TENM4: variants seen among roughly 807,000 people sequenced by gnomAD.
TENM4 encodes teneurin-4.
Under a neutral mutation model 243.3 loss-of-function variants are expected in TENM4, and 82 were observed. The observed-to-expected ratio is 0.34, with a 90% CI of 0.28 to 0.40. The LOEUF is 0.40. TENM4 is among the 10% of genes least tolerant of loss of function. The probability of loss-of-function intolerance (pLI) is 1.00; values close to 1 mark genes in which losing one functional copy is unlikely to be tolerated. For missense variants in TENM4, 3,138 were observed against 3,673.3 expected (o/e 0.85, Z 3.77); for synonymous variants, 1,412 against 1,456.3 (o/e 0.97, Z 0.69).
chr11:79,177,470 C>G (rs1863186969), intron 3 of TENM4, among the ~76,000 whole-genome samples: 1 of 151,780 alleles, frequency 6.6e-6, no homozygotes, highest in African/African-American at 2.4e-5. Flanking sequence ...CTCTGAGCAC[C>G]CATAGGTATT....
chr11:78,825,816 C>T (rs1005513761), intron 12 of TENM4, among the ~76,000 whole-genome samples: 6 of 152,220 alleles, frequency 3.9e-5, no homozygotes, highest in African/African-American at 1.4e-4. Flanking sequence ...ATAATGCCAA[C>T]TTCATGTCAA....
chr11:79,184,086 C>T (rs1359319298), intron 3 of TENM4, among the ~76,000 whole-genome samples: 1 of 152,112 alleles, frequency 6.6e-6, no homozygotes, highest in Non-Finnish European at 1.5e-5. Context: ...TGACAACAGT[C>T]AAAAGAGGAA....
chr11:78,984,739 C>T (rs895038144), intron 6 of TENM4, among the ~76,000 whole-genome samples: 17 of 152,152 alleles, frequency 1.1e-4, no homozygotes, highest in East Asian at 1.9e-4. Context: ...TGATTAAGCA[C>T]GGATTCTAGA....
intron 2 of TENM4, among the ~76,000 whole-genome samples, chr11:79,232,906 T>G (rs1002469154): frequency 6.6e-6 from 1 of 152,182 alleles, no homozygotes; most frequent in African/African-American, 2.4e-5. Flanking sequence ...ACTCCCTTGG[T>G]TAAAACTGTC....
rs76985198 is a variant in TENM4, at chr11:78,893,259, G to T, written c.750-1923C>A. ...AGATAACCCTGCTGATGGGAGGCCTGGTGGCCCAATGGGAGGCATACAGGC... is the reference window on the plus strand; with the variant it reads ...AGATAACCCTGCTGATGGGAGGCCTTGTGGCCCAATGGGAGGCATACAGGC... On this transcript the variant is annotated intron_variant, in intron 7 of 33. Transcript: ENST00000278550. Among the ~76,000 whole-genome samples the T allele has an allele frequency of 3.9e-3, 594 of 152,320 alleles. 4 individuals carry two copies. Among genetic ancestry groups the T allele is most frequent in the African/African-American group, 0.014 (577 of 41,580 alleles).
intron 4 of TENM4, among the ~76,000 whole-genome samples, chr11:79,071,070 T>G (rs1473419164): frequency 6.6e-6 from 1 of 152,180 alleles, no homozygotes; most frequent in Non-Finnish European, 1.5e-5. Context: ...ATCTTGACCC[T>G]TCTGCCCTAC....
At chr11:78,913,398 T>A (rs1209523614) in intron 6 of TENM4, among the ~76,000 whole-genome samples, 1 of 152,160 alleles carries the variant, frequency 6.6e-6, no homozygotes, top group Non-Finnish European at 1.5e-5. Flanking sequence ...GGATACATGC[T>A]TTCCCCCAAC....
chr11:79,051,456 C>A (rs1182065539), intron 6 of TENM4, among the ~76,000 whole-genome samples: 1 of 152,166 alleles, frequency 6.6e-6, no homozygotes, highest in African/African-American at 2.4e-5. Flanking sequence ...TACATCAACA[C>A]CTTTTTAACC....
At chr11:78,813,704 C>T (rs557309238) in intron 13 of TENM4, among the ~76,000 whole-genome samples, 16 of 152,290 alleles carry the variant, frequency 1.1e-4, no homozygotes, top group Admixed American at 4.6e-4. Flanking sequence ...TGGGATAGAT[C>T]GTGGGCAGGC....
intron 2 of TENM4, among the ~76,000 whole-genome samples, chr11:79,241,463 G>T (rs894498591): frequency 6.6e-6 from 1 of 152,054 alleles, no homozygotes; most frequent in Non-Finnish European, 1.5e-5. Context: ...AGTTGGAGGG[G>T]ACCCCGATGA....
chr11:79,027,135 TA>T (rs1479494390), intron 6 of TENM4, among the ~76,000 whole-genome samples: 1 of 152,160 alleles, frequency 6.6e-6, no homozygotes, highest in Non-Finnish European at 1.5e-5. Flanking sequence ...TATCCAGACT[TA>T]AAAGTTCTAA....
Position 78,688,132 on chromosome 11 carries a change from C to G in TENM4, c.5182G>C (p.Val1728Leu). 6.2e-7 allele frequency: 1 copy of G among 1,613,964 alleles called. No individual in the cohort carries two copies. Among genetic ancestry groups the G allele is most frequent in the Non-Finnish European group, 8.5e-7 (1 of 1,179,880 alleles). The change falls in exon 29 of 34, where the codon GTA (valine) becomes CTA (leucine). Residue 1728 changes from valine (V) to leucine (L), a missense_variant. Val to Leu is a conservative substitution (Grantham distance 32, BLOSUM62 1). Around this residue, in one of 2 missense-constraint regions of TENM4, gnomAD observed 2,467 missense variants for 3,059.1 expected, o/e 0.81. Transcript: ENST00000278550. Reference sequence around the variant, plus strand: ...ACATCATCCTTGCTGGAGGTCTCTACCTGGACATGCACTGAACTGTCTGTA... The same window carrying G: ...ACATCATCCTTGCTGGAGGTCTCTAGCTGGACATGCACTGAACTGTCTGTA... ...SDTDSSVHVQ[V>L]ETSSKDDVTI...
chr11:79,421,272 G>T (rs1858925574), intron 1 of TENM4, among the ~76,000 whole-genome samples: 1 of 152,054 alleles, frequency 6.6e-6, no homozygotes, highest in South Asian at 2.1e-4. Context: ...CAAAAAAAAG[G>T]TAGGGCCACT....
At chr11:79,387,049 C>A (rs189350323) in intron 1 of TENM4, among the ~76,000 whole-genome samples, 1 of 152,100 alleles carries the variant, frequency 6.6e-6, no homozygotes, top group African/African-American at 2.4e-5. Context: ...TACTCACAAA[C>A]GGCAATACTA....
At chr11:79,251,495 G>C (rs1200323123) in intron 2 of TENM4, among the ~76,000 whole-genome samples, 2 of 152,176 alleles carry the variant, frequency 1.3e-5, no homozygotes, top group Non-Finnish European at 2.9e-5. Flanking sequence ...CTCAAATCAG[G>C]CACGAAATAG....
chr11:79,284,049 T>C (rs1462160614), intron 2 of TENM4, among the ~76,000 whole-genome samples: 2 of 152,152 alleles, frequency 1.3e-5, no homozygotes, highest in Non-Finnish European at 2.9e-5. Flanking sequence ...AAAAAGAAAT[T>C]AAAGCCGCCT....
At chr11:79,094,745 C>T (rs1322426802) in intron 4 of TENM4, among the ~76,000 whole-genome samples, 1 of 152,158 alleles carries the variant, frequency 6.6e-6, no homozygotes, top group Non-Finnish European at 1.5e-5. Context: ...AAATCAGGCC[C>T]CAGTCACCCC....
chr11:79,006,450 G>A (rs574104875), intron 6 of TENM4, among the ~76,000 whole-genome samples: 1 of 152,180 alleles, frequency 6.6e-6, no homozygotes, highest in Non-Finnish European at 1.5e-5. Flanking sequence ...TACAGGGCAG[G>A]CTCATTTACT....
At chr11:78,936,307 A>G (rs1856782203) in intron 6 of TENM4, among the ~76,000 whole-genome samples, 1 of 152,234 alleles carries the variant, frequency 6.6e-6, no homozygotes, top group Non-Finnish European at 1.5e-5. Context: ...AATGGGAGCA[A>G]TATCACCTAC....
Sources: allele counts gnomAD v4.1 joint callset (sites outside exome capture counted in the v4.1 genomes callset), GRCh38; gene constraint gnomAD v4.1.1; regional missense constraint gnomAD v4.1.1; transcripts MANE v1.5; gene names NCBI Gene and HGNC (gene_info 2026-07-23, HGNC 2026-07-21).